The following ANK3 variants were observed in gnomAD, a reference collection of about 807,000 sequenced individuals.
The protein encoded by ANK3 is ankyrin 3.
ANK3 carries 57 observed loss-of-function variants against 370.9 expected under a neutral mutation model. The observed-to-expected ratio is 0.15, with a 90% CI of 0.12 to 0.19. The LOEUF is 0.19. Ranked by LOEUF, ANK3 falls within the 10% of genes least tolerant of loss-of-function variation. The pLI is 1.00. For missense variants in ANK3, 4,439 were observed against 5,302.1 expected (o/e 0.84, Z 5.06); for synonymous variants, 1,929 against 1,946.3 (o/e 0.99, Z 0.23).
In ANK3 at chr10:60,237,792, C is replaced by T. The variant is rs541247188; in HGVS notation, c.799-3006G>A. Among the ~76,000 whole-genome samples, 7 of 152,200 alleles carry T rather than the reference C, an allele frequency of 4.6e-5. No individual in the cohort carries two copies. In the East Asian group the frequency reaches 1.4e-3, roughly 29 times the overall value. ...TTTATATTCTACAGCACTTAAACAGCGTTGTAAAGGACCTGAACTTCTGTA... is the reference window on the plus strand; with the variant it reads ...TTTATATTCTACAGCACTTAAACAGTGTTGTAAAGGACCTGAACTTCTGTA... On this transcript the variant is annotated intron_variant, in intron 7 of 43. Transcript: ENST00000280772.
At chr10:60,587,366 G>A (rs1440546544) in intron 2 of ANK3, among the ~76,000 whole-genome samples, 3 of 152,228 alleles carry the variant, frequency 2.0e-5, no homozygotes, top group Admixed American at 6.5e-5. Flanking sequence ...CTGAGATTAT[G>A]GCTACTTTCA....
intron 42 of ANK3, among the ~76,000 whole-genome samples, chr10:60,046,532 G>A (rs2076993334): frequency 6.6e-6 from 1 of 152,070 alleles, no homozygotes; most frequent in Non-Finnish European, 1.5e-5. Context: ...TATAAGCATA[G>A]TGAATACATA....
At chr10:60,140,529 G>A in intron 23 of ANK3, 2 of 1,457,816 alleles carry the variant, frequency 1.4e-6, no homozygotes, top group Non-Finnish European at 1.8e-6. Context: ...TGATATCCTC[G>A]TAGGCAATTG....
At chr10:60,621,187 G>T (rs144877106) in intron 1 of ANK3, among the ~76,000 whole-genome samples, 159 of 152,274 alleles carry the variant, frequency 1.0e-3, no homozygotes, top group African/African-American at 3.6e-3. Flanking sequence ...GCAATGCAAT[G>T]TGTTCGCTTA....
intron 1 of ANK3, among the ~76,000 whole-genome samples, chr10:60,373,007 T>C (rs1389649871): frequency 6.6e-6 from 1 of 152,238 alleles, no homozygotes; most frequent in Non-Finnish European, 1.5e-5. Context: ...AACCAGTATT[T>C]ATTGTAAAGC....
intron 2 of ANK3, among the ~76,000 whole-genome samples, chr10:60,509,529 T>A (rs1202666933): frequency 6.6e-6 from 1 of 152,152 alleles, no homozygotes; most frequent in Non-Finnish European, 1.5e-5. Flanking sequence ...GTATTTTGTG[T>A]ATTATTGTCA....
At chr10:60,450,636 A>C (rs1397680113) in intron 2 of ANK3, among the ~76,000 whole-genome samples, 1 of 152,196 alleles carries the variant, frequency 6.6e-6, no homozygotes, top group East Asian at 1.9e-4. Flanking sequence ...AAAAAGCGTA[A>C]GTTCTTCGGG....
intron 1 of ANK3, chr10:60,300,492 C>T: frequency 7.9e-7 from 1 of 1,263,774 alleles, no homozygotes; most frequent in Non-Finnish European, 1.0e-6. Context: ...TGGTCAGAAG[C>T]AACTAACTAG....
At chr10:60,460,771 C>A (rs2064864033) in intron 2 of ANK3, among the ~76,000 whole-genome samples, 1 of 152,086 alleles carries the variant, frequency 6.6e-6, no homozygotes, top group African/African-American at 2.4e-5. Context: ...ACACTAACAA[C>A]TCAATGCAGA....
intron 7 of ANK3, among the ~76,000 whole-genome samples, chr10:60,246,274 A>AGAAAAAAG (rs2097552197): frequency 6.7e-6 from 1 of 148,532 alleles, no homozygotes; most frequent in Non-Finnish European, 1.5e-5. Flanking sequence ...AAAAAAAAAA[A>AGAAAAAAG]AAAAAAAGAA....
At position 60,505,849 on chromosome 10, in the gene ANK3, C is replaced by T. The variant is rs142578596; in HGVS notation, c.96+109337G>A. Among the ~76,000 whole-genome samples, 431 of 152,154 alleles carry T rather than the reference C, an allele frequency of 2.8e-3. 2 individuals are homozygous for T. Among genetic ancestry groups the T allele is most frequent in the African/African-American group, 9.7e-3 (401 of 41,514 alleles). ...ACCTCCAAACTGTATTTTCCAAGCA[C>T]AATTAAATATATTGCGATCTCAAGC... On this transcript the variant is annotated intron_variant, in intron 2 of 43. Coordinates refer to the ANK3 transcript ENST00000373827.
At chr10:60,513,874 G>A (rs1212303992) in intron 2 of ANK3, among the ~76,000 whole-genome samples, 1 of 152,100 alleles carries the variant, frequency 6.6e-6, no homozygotes, top group Non-Finnish European at 1.5e-5. Flanking sequence ...TGCACGGAGT[G>A]AGTCCACTTA....
At chr10:60,649,874 TG>T (rs1588971884) in intron 1 of ANK3, among the ~76,000 whole-genome samples, 1 of 152,366 alleles carries the variant, frequency 6.6e-6, no homozygotes, top group East Asian at 1.9e-4. Flanking sequence ...GGGTTGGCTA[TG>T]GGACTTGTTT....
chr10:60,086,924 T>TTTC (rs2086824367), intron 29 of ANK3, 40 bp from the exon 30 acceptor site: 1 of 1,415,884 alleles, frequency 7.1e-7, no homozygotes, highest in African/African-American at 1.5e-5. Context: ...AGTGACTTTT[T>TTTC]TTTTTTTTTT....
At chr10:60,057,087 A>ATATG (rs1374434624) in intron 41 of ANK3, among the ~76,000 whole-genome samples, 16 of 152,184 alleles carry the variant, frequency 1.1e-4, no homozygotes, top group African/African-American at 3.4e-4. Flanking sequence ...AATTCTTTGT[A>ATATG]TATGTTTTCA....
intron 1 of ANK3, among the ~76,000 whole-genome samples, chr10:60,281,306 C>T (rs1400731785): frequency 2.0e-5 from 3 of 152,142 alleles, no homozygotes; most frequent in Admixed American, 6.5e-5. Context: ...GGGGACTGTC[C>T]TGCTCATTGT....
intron 2 of ANK3, among the ~76,000 whole-genome samples, chr10:60,573,566 C>T (rs7903279): frequency 0.47 from 71,649 of 152,030 alleles, 17,276 homozygotes; most frequent in Non-Finnish European, 0.52. Flanking sequence ...CCATCCTGAG[C>T]CCCAGGAATC....
intron 8 of ANK3, among the ~76,000 whole-genome samples, chr10:60,218,022 T>C (rs1290520648): frequency 6.6e-6 from 1 of 152,138 alleles, no homozygotes; most frequent in Non-Finnish European, 1.5e-5. Context: ...CTTCTTTTTC[T>C]TTTTGGACCT....
intron 1 of ANK3, among the ~76,000 whole-genome samples, chr10:60,383,416 TA>T (rs2061816271): frequency 1.3e-5 from 2 of 152,278 alleles, no homozygotes; most frequent in South Asian, 4.1e-4. Flanking sequence ...ACAGAGAGAC[TA>T]AATAACTTCC....
Sources: gnomAD v4.1 joint callset for allele counts (sites outside exome capture counted in the v4.1 genomes callset) on GRCh38, gnomAD v4.1.1 for gene constraint, MANE v1.5 for transcripts, NCBI Gene and HGNC (gene_info 2026-07-23, HGNC 2026-07-21) for gene names.